FGF14: variants seen among roughly 807,000 people sequenced by gnomAD.
FGF14 encodes the protein fibroblast growth factor 14, also known as fibroblast growth factor homologous factor 4.
A neutral mutation model predicts 25.5 loss-of-function variants in FGF14; 5 were observed. The ratio of observed to expected loss-of-function variants is 0.20; its 90% CI spans 0.10 to 0.41. The LOEUF is 0.41. Ranked by LOEUF, FGF14 falls within the 10% of genes least tolerant of loss-of-function variation. FGF14 has a pLI of 1.00. For missense variants in FGF14, 222 were observed against 320.1 expected, an observed-to-expected ratio of 0.69 and a Z score of 2.34; for synonymous variants, 138 against 118.3, an observed-to-expected ratio of 1.17 and a Z score of -1.08.
chr13:102,202,465 G>A (rs536461351), intron 1 of FGF14, among the ~76,000 whole-genome samples: 1 of 152,280 alleles, frequency 6.6e-6, no homozygotes, highest in Admixed American at 6.5e-5. Flanking sequence ...GAGGGTGATG[G>A]CCAGGGCAGA....
chr13:102,141,204 C>G (rs958859861), intron 1 of FGF14, among the ~76,000 whole-genome samples: 1 of 152,178 alleles, frequency 6.6e-6, no homozygotes, highest in African/African-American at 2.4e-5. Flanking sequence ...CTGGCCCAAT[C>G]AACTTTGGTC....
chr13:102,159,411 G>C (rs2047521694), intron 1 of FGF14, among the ~76,000 whole-genome samples: 1 of 152,152 alleles, frequency 6.6e-6, no homozygotes, highest in Admixed American at 6.5e-5. Context: ...TCAGTACAGA[G>C]TACAAAAGTG....
chr13:101,772,084 CA>C (rs1382246150), intron 3 of FGF14, among the ~76,000 whole-genome samples: 4 of 151,958 alleles, frequency 2.6e-5, no homozygotes, highest in Non-Finnish European at 4.4e-5. Context: ...TTCAGGAGGA[CA>C]TTGGGGAGGC....
chr13:102,030,677 A>G (rs905158140), intron 1 of FGF14, among the ~76,000 whole-genome samples: 3 of 152,002 alleles, frequency 2.0e-5, no homozygotes, highest in East Asian at 1.9e-4. Flanking sequence ...GTTGATCCCT[A>G]TCTCATCAAT....
intron 1 of FGF14, among the ~76,000 whole-genome samples, chr13:101,993,527 A>T (rs1286992631): frequency 6.6e-6 from 1 of 152,082 alleles, no homozygotes; most frequent in Non-Finnish European, 1.5e-5. Context: ...ATAGCTAGTG[A>T]ATAGTGAAAT....
intron 1 of FGF14, among the ~76,000 whole-genome samples, chr13:102,288,042 A>G (rs1312321937): frequency 6.6e-6 from 1 of 152,244 alleles, no homozygotes; most frequent in Admixed American, 6.5e-5. Flanking sequence ...TTTGAAGTTG[A>G]ATCTCTCTAA....
At chr13:102,191,058 T>C (rs1432521172) in intron 1 of FGF14, among the ~76,000 whole-genome samples, 3 of 152,174 alleles carry the variant, frequency 2.0e-5, no homozygotes, top group Non-Finnish European at 2.9e-5. Context: ...TTACCAGTTG[T>C]TATTATTTGA....
intron 1 of FGF14, among the ~76,000 whole-genome samples, chr13:101,956,768 C>CAAAA (rs372879439): frequency 0.087 from 10,603 of 122,230 alleles, 472 homozygotes; most frequent in East Asian, 0.18. Context: ...TTCACTTTAC[C>CAAAA]AAAAAAAAAA....
At chr13:102,355,228 T>G (rs1424211133) in intron 1 of FGF14, among the ~76,000 whole-genome samples, 1 of 152,202 alleles carries the variant, frequency 6.6e-6, no homozygotes, top group Non-Finnish European at 1.5e-5. Context: ...CAACAAAGCA[T>G]GGACTTACGT....
intron 1 of FGF14, among the ~76,000 whole-genome samples, chr13:102,295,672 G>C (rs549182280): frequency 2.0e-5 from 3 of 152,110 alleles, no homozygotes; most frequent in Non-Finnish European, 4.4e-5. Context: ...CCAAGTCTTA[G>C]GATTTTCTCT....
chr13:102,139,503 G>C (rs2046547909), intron 1 of FGF14, among the ~76,000 whole-genome samples: 1 of 152,116 alleles, frequency 6.6e-6, no homozygotes, highest in Non-Finnish European at 1.5e-5. Flanking sequence ...AAAGAGATTA[G>C]CTAATGATAA....
At chr13:101,842,510 G>A (rs1239302483) in intron 3 of FGF14, among the ~76,000 whole-genome samples, 1 of 152,032 alleles carries the variant, frequency 6.6e-6, no homozygotes, top group Non-Finnish European at 1.5e-5. Context: ...GAGGATTGGT[G>A]AATACATGTG....
At chr13:101,831,610 TTTG>T (rs1291337807) in intron 3 of FGF14, among the ~76,000 whole-genome samples, 1 of 152,070 alleles carries the variant, frequency 6.6e-6, no homozygotes, top group African/African-American at 2.4e-5. Context: ...ACAAAATGGC[TTTG>T]TTGTCTCAAG....
chr13:102,090,375 A>C (rs2044111300), intron 1 of FGF14, among the ~76,000 whole-genome samples: 1 of 152,180 alleles, frequency 6.6e-6, no homozygotes, highest in African/African-American at 2.4e-5. Flanking sequence ...GTTATAGAAA[A>C]GAGGCAGAGT....
At chr13:101,982,965 A>C (rs546691765) in intron 1 of FGF14, among the ~76,000 whole-genome samples, 1 of 152,298 alleles carries the variant, frequency 6.6e-6, no homozygotes, top group South Asian at 2.1e-4. Context: ...TGCTATACAG[A>C]AGCTCCTTTA....
chr13:102,397,357 G>A (rs760725448), intron 1 of FGF14, among the ~76,000 whole-genome samples: 3 of 152,180 alleles, frequency 2.0e-5, no homozygotes, highest in Non-Finnish European at 4.4e-5. Flanking sequence ...AGTGATCATG[G>A]GTCCTACCAA....
At chr13:102,309,560 G>A (rs1329298278) in intron 1 of FGF14, among the ~76,000 whole-genome samples, 8 of 152,148 alleles carry the variant, frequency 5.3e-5, no homozygotes, top group Admixed American at 5.2e-4. Context: ...GATTTCTCTT[G>A]CACAAAAGGA....
Position 102,245,218 on chromosome 13 carries a change from C to T in FGF14, c.208+156253G>A, listed in dbSNP as rs146192167. ...AGACAAGGTACACAGACAGCCTCTCCGAAGAGTTACTTGTAATAATTCAGA... is the reference window on the plus strand; with the variant it reads ...AGACAAGGTACACAGACAGCCTCTCTGAAGAGTTACTTGTAATAATTCAGA... On this transcript the variant is annotated intron_variant, in intron 1 of 4. Coordinates refer to the FGF14 transcript ENST00000376131. Among the ~76,000 whole-genome samples the T allele has an allele frequency of 3.6e-3, 546 of 152,126 alleles. 5 individuals are homozygous for T. The highest frequency in any genetic ancestry group is 5.9e-3 in the Non-Finnish European group (403 of 67,954).
At chr13:101,734,659 A>T (rs1263207021) in intron 3 of FGF14, among the ~76,000 whole-genome samples, 2 of 152,150 alleles carry the variant, frequency 1.3e-5, no homozygotes, top group African/African-American at 4.8e-5. Context: ...TAATAACTAT[A>T]ATTAACACCT....
Sources: gnomAD v4.1 joint callset for allele counts (sites outside exome capture counted in the v4.1 genomes callset) on GRCh38, gnomAD v4.1.1 for gene constraint, MANE v1.5 for transcripts, NCBI Gene and HGNC (gene_info 2026-07-23, HGNC 2026-07-21) for gene names.